Variants in RARB observed in about 807,000 individuals in gnomAD.
RARB encodes HBV-activated protein.
Under a neutral mutation model 51.9 loss-of-function variants are expected in RARB, and 17 were observed. That is an observed-to-expected ratio of 0.33 (90% CI 0.22 to 0.49). The LOEUF (loss-of-function observed/expected upper bound fraction) is 0.49, where lower values mean the gene tolerates loss of function less well. Ranked by LOEUF, RARB falls within the 20% of genes least tolerant of loss-of-function variation. The probability of loss-of-function intolerance (pLI) is 0.99; values close to 1 mark genes in which losing one functional copy is unlikely to be tolerated. For missense variants in RARB, 369 were observed against 550.8 expected, an observed-to-expected ratio of 0.67 and a Z score of 3.30; for synonymous variants, 215 against 195.4, an observed-to-expected ratio of 1.10 and a Z score of -0.84.
At chr3:24,981,970 A>G (rs1159187630) in intron 2 of RARB, among the ~76,000 whole-genome samples, 1 of 152,188 alleles carries the variant, frequency 6.6e-6, no homozygotes, top group Non-Finnish European at 1.5e-5. Flanking sequence ...AAAGGAGTGT[A>G]GCTACTGTGA....
At chr3:25,422,972 C>A (rs893387460) in intron 5 of RARB, among the ~76,000 whole-genome samples, 2 of 152,178 alleles carry the variant, frequency 1.3e-5, no homozygotes, top group African/African-American at 4.8e-5. Flanking sequence ...TTAAGTACAT[C>A]CATGCCCATT....
chr3:25,424,137 C>T (rs571308856), upstream of RARB, among the ~76,000 whole-genome samples: 8 of 152,284 alleles, frequency 5.3e-5, no homozygotes, highest in African/African-American at 1.9e-4. Flanking sequence ...ATGAAGGACA[C>T]GGTGGCCAAC....
chr3:25,233,691 G>A (rs973729476), intron 5 of RARB, among the ~76,000 whole-genome samples: 5 of 150,868 alleles, frequency 3.3e-5, no homozygotes, highest in African/African-American at 1.2e-4. Context: ...TGTTGTTGTT[G>A]TTGTTGTAGG....
intron 2 of RARB, among the ~76,000 whole-genome samples, chr3:24,900,612 C>A (rs1312939762): frequency 6.6e-6 from 1 of 152,140 alleles, no homozygotes; most frequent in Non-Finnish European, 1.5e-5. Flanking sequence ...TAATAATTAT[C>A]TAATTTGCCA....
At chr3:25,086,157 A>G (rs1420637129) in intron 3 of RARB, among the ~76,000 whole-genome samples, 1 of 152,174 alleles carries the variant, frequency 6.6e-6, no homozygotes, top group African/African-American at 2.4e-5. Context: ...GGTCCATATC[A>G]TATCCACTCA....
chr3:25,405,920 C>A (rs896329693), intron 5 of RARB, among the ~76,000 whole-genome samples: 2 of 151,520 alleles, frequency 1.3e-5, no homozygotes, highest in Non-Finnish European at 2.9e-5. Flanking sequence ...GGAAGACTGT[C>A]CAGAGGGACG....
chr3:24,921,800 T>A (rs1695222613), intron 2 of RARB, among the ~76,000 whole-genome samples: 1 of 152,240 alleles, frequency 6.6e-6, no homozygotes, highest in Non-Finnish European at 1.5e-5. Flanking sequence ...TATAGAATAA[T>A]CTCTGCAATT....
intron 2 of RARB, among the ~76,000 whole-genome samples, chr3:24,991,019 A>T (rs1696897977): frequency 6.6e-6 from 1 of 152,210 alleles, no homozygotes; most frequent in Admixed American, 6.5e-5. Flanking sequence ...TCTAATTAGC[A>T]GTTTCTACTA....
At chr3:25,475,217 T>G (rs1695887105) in intron 2 of RARB, among the ~76,000 whole-genome samples, 1 of 152,206 alleles carries the variant, frequency 6.6e-6, no homozygotes, top group East Asian at 1.9e-4. Flanking sequence ...TCCTTTGTTA[T>G]TTGATTATTT....
intron 5 of RARB, among the ~76,000 whole-genome samples, chr3:25,209,852 C>T (rs1300595516): frequency 6.6e-6 from 1 of 152,220 alleles, no homozygotes; most frequent in South Asian, 2.1e-4. Flanking sequence ...TTGCACCTGT[C>T]TGTCCTGTGA....
chr3:25,008,973 G>C (rs758747220), intron 2 of RARB, among the ~76,000 whole-genome samples: 2 of 152,094 alleles, frequency 1.3e-5, no homozygotes, highest in African/African-American at 4.8e-5. Flanking sequence ...AATTTTTCAA[G>C]ATCTGAGTGC....
At chr3:24,842,324 C>T (rs1269402683) in intron 1 of RARB, among the ~76,000 whole-genome samples, 2 of 152,010 alleles carry the variant, frequency 1.3e-5, no homozygotes, top group Non-Finnish European at 2.9e-5. Flanking sequence ...ATTATTTTAT[C>T]GTTTTGATTT....
intron 3 of RARB, among the ~76,000 whole-genome samples, chr3:25,110,575 C>A (rs1301262026): frequency 6.6e-6 from 1 of 152,140 alleles, no homozygotes; most frequent in Admixed American, 6.5e-5. Context: ...GCCAGTTCAC[C>A]TAGTAAAGGA....
At chr3:25,254,587 C>T (rs1450112803) in intron 5 of RARB, among the ~76,000 whole-genome samples, 2 of 151,368 alleles carry the variant, frequency 1.3e-5, no homozygotes, top group African/African-American at 4.9e-5. Context: ...AACGGTATCA[C>T]TTACAGCTGG....
At chr3:25,039,459 C>A (rs1309497237) in intron 2 of RARB, among the ~76,000 whole-genome samples, 2 of 152,124 alleles carry the variant, frequency 1.3e-5, no homozygotes, top group East Asian at 3.9e-4. Flanking sequence ...TTTAATTCAA[C>A]AAATACTTAA....
rs185843241 is a variant in RARB, at chr3:25,422,660, A to G, written c.179-38533A>G. On this transcript the variant is annotated intron_variant, in intron 5 of 11. Coordinates refer to the RARB transcript ENST00000383772. ...GTAGAAAAGTGAGAAATTACCAGCC[A>G]AGAGAGAAAGAAAGATGATTCTGGA... Among the ~76,000 whole-genome samples the G allele has an allele frequency of 4.6e-5, 7 of 152,214 alleles. No individual in the cohort carries two copies. The East Asian group carries it at 5.8e-4, about 13-fold the overall frequency.
chr3:24,993,425 A>G (rs1696955402), intron 2 of RARB, among the ~76,000 whole-genome samples: 1 of 152,150 alleles, frequency 6.6e-6, no homozygotes, highest in Non-Finnish European at 1.5e-5. Flanking sequence ...TTTAATTTAC[A>G]AATAACAATT....
intron 3 of RARB, among the ~76,000 whole-genome samples, chr3:25,569,083 T>C (rs974872226): frequency 1.3e-5 from 2 of 152,128 alleles, no homozygotes; most frequent in Non-Finnish European, 2.9e-5. Flanking sequence ...CAACGTGGAG[T>C]CAAGTGGCTA....
At chr3:25,321,573 C>T (rs541507337) in intron 5 of RARB, among the ~76,000 whole-genome samples, 74 of 151,774 alleles carry the variant, frequency 4.9e-4, no homozygotes, top group African/African-American at 1.4e-3. Flanking sequence ...AAAAATTAGC[C>T]GGGCATGGTG....
Sources: gnomAD v4.1 joint callset for allele counts (sites outside exome capture counted in the v4.1 genomes callset) on GRCh38, gnomAD v4.1.1 for gene constraint, MANE v1.5 for transcripts, NCBI Gene and HGNC (gene_info 2026-07-23, HGNC 2026-07-21) for gene names.